The following RNF212B variants were observed in gnomAD, a reference collection of about 807,000 sequenced individuals.
RNF212B encodes ring finger protein 212B.
Under a neutral mutation model 55.5 loss-of-function variants are expected in RNF212B, and 52 were observed. The observed-to-expected ratio is 0.94, with a 90% CI of 0.75 to 1.18. The LOEUF is 1.18. Among genes scored for constraint, RNF212B ranks in the 50% most tolerant of loss-of-function variants. The pLI is 0.00. For missense variants in RNF212B, 289 were observed against 350.4 expected (o/e 0.82, Z 1.40); for synonymous variants, 99 against 121.4 (o/e 0.82, Z 1.21).
intron 2 of RNF212B, among the ~76,000 whole-genome samples, chr14:23,203,762 G>A (rs566490463): frequency 6.6e-6 from 1 of 152,294 alleles, no homozygotes; most frequent in East Asian, 1.9e-4. Flanking sequence ...ACAGGCATGA[G>A]CCACCATGGT....
At chr14:23,215,313 T>C in intron 2 of RNF212B, among the ~76,000 whole-genome samples, 1 of 152,198 alleles carries the variant, frequency 6.6e-6, no homozygotes, top group Non-Finnish European at 1.5e-5. Context: ...CTCTTTTCTT[T>C]ATAAATTTCC....
intron 4 of RNF212B, among the ~76,000 whole-genome samples, chr14:23,245,914 G>A (rs1306437327): frequency 1.3e-5 from 2 of 152,250 alleles, no homozygotes; most frequent in East Asian, 1.9e-4. Context: ...CGCTCAAGAC[G>A]TTGTCATTGA....
chr14:23,202,826 G>A (rs1879440548), intron 2 of RNF212B, among the ~76,000 whole-genome samples: 1 of 149,800 alleles, frequency 6.7e-6, no homozygotes, highest in African/African-American at 2.5e-5. Flanking sequence ...CTCTAGCCTG[G>A]GCGACAGAGC....
Position 23,216,473 on chromosome 14 carries a change from T to C in RNF212B, c.-2+23072T>C, listed in dbSNP as rs186985755. Among the ~76,000 whole-genome samples, 264 of 151,760 alleles carry C rather than the reference T, an allele frequency of 1.7e-3. 1 individual carries two copies. The highest frequency in any genetic ancestry group is 5.9e-3 in the African/African-American group (246 of 41,348). On this transcript the variant is annotated intron_variant, in intron 2 of 15. Coordinates refer to the RNF212B transcript ENST00000399910. ...CAATAAGTACATTAAATTTAAATGG[T>C]TTAACTGTATCAATCAAAAGATAGA...
intron 4 of RNF212B, among the ~76,000 whole-genome samples, chr14:23,256,661 C>G (rs937429228): frequency 5.9e-5 from 9 of 152,120 alleles, no homozygotes; most frequent in Non-Finnish European, 1.3e-4. Flanking sequence ...CATGAGCCAC[C>G]ACGCCTGGCC....
intron 4 of RNF212B, among the ~76,000 whole-genome samples, chr14:23,255,884 G>C (rs1014823591): frequency 6.6e-6 from 1 of 152,168 alleles, no homozygotes; most frequent in Admixed American, 6.5e-5. Context: ...CTTCTTCAGT[G>C]AATGTGTTTG....
chr14:23,219,407 GAGAA>G (rs1295497828), intron 2 of RNF212B, among the ~76,000 whole-genome samples: 1 of 150,000 alleles, frequency 6.7e-6, no homozygotes, highest in Non-Finnish European at 1.5e-5. Flanking sequence ...AAAACATAAA[GAGAA>G]AGAACAAAAA....
intron 2 of RNF212B, among the ~76,000 whole-genome samples, chr14:23,207,093 A>G (rs1412117877): frequency 6.6e-6 from 1 of 152,170 alleles, no homozygotes. Flanking sequence ...TCTTATTACC[A>G]TATTTCAGCT....
At chr14:23,242,098 A>G (rs178774) in intron 2 of RNF212B, among the ~76,000 whole-genome samples, 11,968 of 126,016 alleles carry the variant, frequency 0.095, 1,170 homozygotes, top group African/African-American at 0.26. Context: ...AAAAAAAAAA[A>G]AAAAAAAAAG....
intron 2 of RNF212B, among the ~76,000 whole-genome samples, chr14:23,199,405 T>A (rs1033720903): frequency 2.6e-5 from 4 of 152,190 alleles, no homozygotes; most frequent in African/African-American, 7.2e-5. Context: ...TCTATCTCAG[T>A]GAGCACAGGG....
chr14:23,187,604 T>C (rs749122528), intron 1 of RNF212B, among the ~76,000 whole-genome samples: 3 of 152,208 alleles, frequency 2.0e-5, no homozygotes, highest in Non-Finnish European at 4.4e-5. Context: ...GATTTTTTTT[T>C]CTAGATCCAA....
intron 2 of RNF212B, among the ~76,000 whole-genome samples, chr14:23,196,126 G>T (rs1383299614): frequency 6.6e-6 from 1 of 152,042 alleles, no homozygotes; most frequent in Non-Finnish European, 1.5e-5. Context: ...CCTTATGAAC[G>T]GGAGCACCTG....
At chr14:23,260,314 A>G (rs1385990137) in intron 6 of RNF212B, among the ~76,000 whole-genome samples, 1 of 152,160 alleles carries the variant, frequency 6.6e-6, no homozygotes, top group Non-Finnish European at 1.5e-5. Flanking sequence ...TTTCTTCCTA[A>G]GAATGTTCTG....
chr14:23,272,001 G>A (rs893855646), intron 14 of RNF212B, among the ~76,000 whole-genome samples: 7 of 152,244 alleles, frequency 4.6e-5, no homozygotes, highest in African/African-American at 9.6e-5. Flanking sequence ...GATGTCTGGC[G>A]TTTGCATCAG....
chr14:23,232,328 G>A (rs1457756492), intron 2 of RNF212B, among the ~76,000 whole-genome samples: 18 of 145,828 alleles, frequency 1.2e-4, no homozygotes, highest in African/African-American at 3.7e-4. Context: ...GTCTCTGCCC[G>A]GCTGCCCTGT....
At chr14:23,204,892 C>T (rs1397038536) in intron 2 of RNF212B, among the ~76,000 whole-genome samples, 1 of 152,072 alleles carries the variant, frequency 6.6e-6, no homozygotes, top group Non-Finnish European at 1.5e-5. Context: ...TCTATGATTT[C>T]TCTCAGCAGT....
chr14:23,262,790 A>C, intron 8 of RNF212B, 79 bp downstream of exon 8: 1 of 1,454,514 alleles, frequency 6.9e-7, no homozygotes, highest in South Asian at 1.2e-5. Context: ...CCTCTCAGAG[A>C]CAATAATGTG....
rs79888369 is a variant in RNF212B at position 23,196,280 on chromosome 14, C to T, written c.-2+2879C>T. 6.8e-3 allele frequency among the ~76,000 whole-genome samples: 1,032 copies of T among 152,238 alleles called. 8 individuals are homozygous for T. The highest frequency in any genetic ancestry group is 0.023 in the African/African-American group (950 of 41,538). On this transcript the variant is annotated intron_variant, in intron 2 of 15. Transcript: ENST00000399910. ...TGTCTCTCTGTCATTATTCTTTCTG[C>T]TCTTTCTCCAGCCTGCCCCGCTCCG...
At chr14:23,264,490 T>A (rs995441300) in intron 10 of RNF212B, 133 bp from the exon 11 acceptor site, 1 of 730,102 alleles carries the variant, frequency 1.4e-6, no homozygotes, top group African/African-American at 1.8e-5. Context: ...AAAGTATGGA[T>A]CTTTCTTTGA....
Sources: allele counts gnomAD v4.1 joint callset (sites outside exome capture counted in the v4.1 genomes callset), GRCh38; gene constraint gnomAD v4.1.1; transcripts MANE v1.5; gene names NCBI Gene and HGNC (gene_info 2026-07-23, HGNC 2026-07-21).